NR6A1: variants seen among roughly 807,000 people sequenced by gnomAD.
The protein encoded by NR6A1 is retinoic acid receptor-related testis-associated receptor.
A neutral mutation model predicts 59.1 loss-of-function variants in NR6A1; 7 were observed. That is an observed-to-expected ratio of 0.12 (90% CI 0.07 to 0.22). NR6A1 has a LOEUF of 0.22. Ranked by LOEUF, NR6A1 falls within the 10% of genes least tolerant of loss-of-function variation. NR6A1 has a pLI of 1.00. For missense variants in NR6A1, 468 were observed against 611.6 expected (o/e 0.77, Z 2.48); for synonymous variants, 243 against 236.1 (o/e 1.03, Z -0.27).
chr9:124,736,707 G>T (rs914783604), intron 1 of NR6A1, among the ~76,000 whole-genome samples: 1 of 152,058 alleles, frequency 6.6e-6, no homozygotes, highest in Non-Finnish European at 1.5e-5. Context: ...TTAGCCAGGT[G>T]TGGTGGTGTA....
At chr9:124,662,133 TTGGTTGCAA>T (rs1837458677) in intron 2 of NR6A1, among the ~76,000 whole-genome samples, 1 of 151,950 alleles carries the variant, frequency 6.6e-6, no homozygotes, top group South Asian at 2.1e-4. Context: ...TTTTTCCCCC[TTGGTTGCAA>T]TGAAGAAGTT....
chr9:124,536,723 G>T (rs1833278866), intron 6 of NR6A1, among the ~76,000 whole-genome samples: 14 of 151,872 alleles, frequency 9.2e-5, no homozygotes. Flanking sequence ...TATTGTTGGT[G>T]TTCTCTAATG....
At chr9:124,540,000 AGAT>A (rs781275813) in intron 5 of NR6A1, 30 bp downstream of exon 5, 173 of 1,558,610 alleles carry the variant, frequency 1.1e-4, no homozygotes, top group Non-Finnish European at 1.4e-4. Context: ...GGGGATCCCT[AGAT>A]GATGACCATG....
In NR6A1 at chr9:124,712,081, G is replaced by A. The variant is rs1264468112; in HGVS notation, c.142+21227C>T. On this transcript the variant is annotated intron_variant, in intron 2 of 9. Coordinates refer to ENST00000487099, the MANE Select transcript of NR6A1 (RefSeq NM_033334.4). ...CTTCCCTCTTTGGTTAGGGCCTGTT[G>A]CCACCTAATGGACAAAACTGGCATA... 2.0e-5 allele frequency among the ~76,000 whole-genome samples: 3 copies of A among 152,084 alleles called. No homozygotes were observed. The East Asian group carries it at 5.8e-4, about 29-fold the overall frequency.
intron 2 of NR6A1, among the ~76,000 whole-genome samples, chr9:124,559,199 A>T (rs1834011258): frequency 6.6e-6 from 1 of 152,126 alleles, no homozygotes; most frequent in African/African-American, 2.4e-5. Context: ...GGCCTTAGAA[A>T]TTGCCCTGTA....
intron 2 of NR6A1, among the ~76,000 whole-genome samples, chr9:124,593,981 A>AT (rs1835202284): frequency 6.6e-6 from 1 of 152,246 alleles, no homozygotes; most frequent in African/African-American, 2.4e-5. Flanking sequence ...GAAAGCTTGA[A>AT]TAGAGTTAAC....
chr9:124,674,789 A>G lies in NR6A1; in HGVS notation c.142+58519T>C, dbSNP rs755113372. The stretch of plus-strand genomic sequence containing the variant: ...TAGCAAATTACAACACAGGAACTAT[A>G]TAACTACTAAGTAAATGTGACCTCA... On this transcript the variant is annotated intron_variant, in intron 2 of 9. Coordinates refer to ENST00000487099, the MANE Select transcript of NR6A1 (RefSeq NM_033334.4). Among the ~76,000 whole-genome samples the G allele has an allele frequency of 4.4e-4, 67 of 152,326 alleles. 1 individual carries two copies. The highest frequency in any genetic ancestry group is 4.1e-4 in the South Asian group (2 of 4,820).
intron 1 of NR6A1, among the ~76,000 whole-genome samples, chr9:124,739,150 T>C (rs1840103676): frequency 6.8e-6 from 1 of 147,726 alleles, no homozygotes; most frequent in Non-Finnish European, 1.5e-5. Flanking sequence ...ATCACATCAC[T>C]GCACTCCAGC....
At chr9:124,613,582 G>A (rs1156752785) in intron 2 of NR6A1, among the ~76,000 whole-genome samples, 2 of 152,184 alleles carry the variant, frequency 1.3e-5, no homozygotes, top group Admixed American at 1.3e-4. Flanking sequence ...GATCGCTTGA[G>A]CCTGGGAGGT....
At chr9:124,764,896 T>C (rs1038436388) in intron 1 of NR6A1, among the ~76,000 whole-genome samples, 2 of 152,226 alleles carry the variant, frequency 1.3e-5, no homozygotes, top group African/African-American at 4.8e-5. Context: ...GAATTGGTTT[T>C]AGAAACATTA....
chr9:124,666,832 T>C (rs1184002759), intron 2 of NR6A1, among the ~76,000 whole-genome samples: 2 of 152,134 alleles, frequency 1.3e-5, no homozygotes, highest in Admixed American at 6.5e-5. Context: ...CTGTATCAGC[T>C]TGAGCACTTA....
intron 2 of NR6A1, among the ~76,000 whole-genome samples, chr9:124,604,528 A>G (rs1835525355): frequency 6.6e-6 from 1 of 152,174 alleles, no homozygotes; most frequent in African/African-American, 2.4e-5. Context: ...AAATTATTAA[A>G]TAGGGCACAG....
chr9:124,709,488 A>C (rs754872466), intron 2 of NR6A1, among the ~76,000 whole-genome samples: 7 of 152,142 alleles, frequency 4.6e-5, no homozygotes, highest in Non-Finnish European at 1.0e-4. Flanking sequence ...CACAGAAGCG[A>C]GGAGTATCAG....
chr9:124,544,608 G>C (rs1269127907), intron 3 of NR6A1, among the ~76,000 whole-genome samples: 2 of 152,194 alleles, frequency 1.3e-5, no homozygotes, highest in African/African-American at 4.8e-5. Context: ...CAGGAAAAGA[G>C]TGCTCCAGGT....
rs555981859 is a variant in NR6A1 at position 124,549,886 on chromosome 9, T to C, written c.385+4442A>G. Among the ~76,000 whole-genome samples the C allele has an allele frequency of 1.1e-3, 175 of 152,330 alleles. 1 individual carries two copies. The highest frequency in any genetic ancestry group is 4.0e-3 in the African/African-American group (167 of 41,576). On this transcript the variant is annotated intron_variant, in intron 3 of 9. Transcript: ENST00000487099. ...GATTTCTCCAGTTGTTTCACTGATA[T>C]CTTTTGTTCCAGAACACAATCCAGG...
At chr9:124,714,026 TGTG>T (rs1839351766) in intron 2 of NR6A1, among the ~76,000 whole-genome samples, 1 of 152,148 alleles carries the variant, frequency 6.6e-6, no homozygotes, top group Admixed American at 6.5e-5. Context: ...ATCAACAAAA[TGTG>T]GTATATACAT....
chr9:124,610,690 T>C (rs1160663598), intron 2 of NR6A1, among the ~76,000 whole-genome samples: 1 of 152,196 alleles, frequency 6.6e-6, no homozygotes, highest in African/African-American at 2.4e-5. Flanking sequence ...AGCTCCTCTT[T>C]GTACCTCTGG....
intron 2 of NR6A1, among the ~76,000 whole-genome samples, chr9:124,594,829 G>A (rs1256464877): frequency 2.0e-5 from 3 of 152,190 alleles, no homozygotes; most frequent in Admixed American, 6.5e-5. Context: ...AAACTGCAAA[G>A]CTGCCTTTGG....
chr9:124,712,413 G>A (rs1401516373), intron 2 of NR6A1, among the ~76,000 whole-genome samples: 1 of 151,942 alleles, frequency 6.6e-6, no homozygotes, highest in Non-Finnish European at 1.5e-5. Context: ...GCTGGAGACC[G>A]GACTGGTCAA....
Sources: allele counts gnomAD v4.1 joint callset (sites outside exome capture counted in the v4.1 genomes callset), GRCh38; gene constraint gnomAD v4.1.1; transcripts MANE v1.5; gene names NCBI Gene and HGNC (gene_info 2026-07-23, HGNC 2026-07-21).